KHDRBS2: variants seen among roughly 807,000 people sequenced by gnomAD.
KHDRBS2 encodes the protein KH domain-containing, RNA-binding, signal transduction-associated protein 2.
A neutral mutation model predicts 44.3 loss-of-function variants in KHDRBS2; 26 were observed. That is an observed-to-expected ratio of 0.59 (90% CI 0.43 to 0.81). KHDRBS2 has a LOEUF of 0.81. Among genes scored for constraint, KHDRBS2 ranks in the 40% least tolerant of loss-of-function variants. The pLI is 0.00. For synonymous variants in KHDRBS2, 194 were observed against 151.1 expected, an observed-to-expected ratio of 1.28 and a Z score of -2.08; for missense variants, 476 against 433.1, an observed-to-expected ratio of 1.10 and a Z score of -0.88.
the KHDRBS2 span, among the ~76,000 whole-genome samples, chr6:61,608,490 C>G: frequency 6.6e-6 from 1 of 151,704 alleles, no homozygotes; most frequent in Non-Finnish European, 1.5e-5. Flanking sequence ...GCAGAACATG[C>G]AGGTTTGTTA....
chr6:61,968,835 A>C (rs1770693639), intron 4 of KHDRBS2, among the ~76,000 whole-genome samples: 1 of 152,102 alleles, frequency 6.6e-6, no homozygotes, highest in South Asian at 2.1e-4. Context: ...GCTGGCCTTT[A>C]GTATCCTCAC....
intron 4 of KHDRBS2, among the ~76,000 whole-genome samples, chr6:61,911,478 G>T (rs1806041220): frequency 6.6e-6 from 1 of 152,110 alleles, no homozygotes; most frequent in African/African-American, 2.4e-5. Flanking sequence ...AGTACGCAAG[G>T]ATCGAAGCCT....
intron 3 of KHDRBS2, among the ~76,000 whole-genome samples, chr6:61,991,515 T>A (rs1198059837): frequency 6.6e-6 from 1 of 152,076 alleles, no homozygotes; most frequent in Non-Finnish European, 1.5e-5. Context: ...AGAAATGAAG[T>A]GAGCTGGGCA....
intron 6 of KHDRBS2, among the ~76,000 whole-genome samples, chr6:61,813,296 A>G (rs1788406079): frequency 6.6e-6 from 1 of 152,142 alleles, no homozygotes; most frequent in African/African-American, 2.4e-5. Context: ...TTTTGCTGTA[A>G]TGTGACAATA....
chr6:61,751,902 A>AT (rs5876750), intron 6 of KHDRBS2, among the ~76,000 whole-genome samples: 57,688 of 151,554 alleles, frequency 0.38, 12,083 homozygotes, highest in African/African-American at 0.57. Flanking sequence ...CTGCCTTCTC[A>AT]TTGTGTCATC....
intron 4 of KHDRBS2, among the ~76,000 whole-genome samples, chr6:61,961,899 G>A (rs60852630): frequency 0.044 from 6,745 of 152,024 alleles, 523 homozygotes; most frequent in African/African-American, 0.15. Flanking sequence ...CAGTTTAAAC[G>A]GGATCATTCT....
chr6:61,625,509 A>G, the KHDRBS2 span, among the ~76,000 whole-genome samples: 11 of 151,860 alleles, frequency 7.2e-5, no homozygotes, highest in Non-Finnish European at 1.3e-4. Flanking sequence ...TGTAAAGTTC[A>G]TGCTCTTCCT....
intron 2 of KHDRBS2, among the ~76,000 whole-genome samples, chr6:62,056,648 A>AAG (rs1790349575): frequency 6.6e-6 from 1 of 151,974 alleles, no homozygotes; most frequent in South Asian, 2.1e-4. Flanking sequence ...AGAACAATTC[A>AAG]AGTTGAGTTA....
chr6:62,064,078 G>A (rs1010658403), intron 2 of KHDRBS2, among the ~76,000 whole-genome samples: 3 of 120,892 alleles, frequency 2.5e-5, no homozygotes, highest in Non-Finnish European at 3.6e-5. Flanking sequence ...TACAAGGGAC[G>A]TGAAGGACCT....
the KHDRBS2 span, among the ~76,000 whole-genome samples, chr6:61,644,322 C>T: frequency 6.6e-6 from 1 of 152,118 alleles, no homozygotes; most frequent in Non-Finnish European, 1.5e-5. Flanking sequence ...GGATTAAAGA[C>T]TTAAATGTAA....
At chr6:61,828,402 A>AT (rs1427793701) in intron 6 of KHDRBS2, among the ~76,000 whole-genome samples, 3 of 152,310 alleles carry the variant, frequency 2.0e-5, no homozygotes, top group African/African-American at 7.2e-5. Flanking sequence ...AAAGGTTCCA[A>AT]TTAGCAAAGA....
intron 6 of KHDRBS2, among the ~76,000 whole-genome samples, chr6:61,858,176 C>T (rs1796411299): frequency 6.6e-6 from 1 of 151,548 alleles, no homozygotes; most frequent in Non-Finnish European, 1.5e-5. Context: ...ATTCCTGTTA[C>T]CCATTTTACA....
At chr6:62,037,148 T>C (rs1785455026) in intron 3 of KHDRBS2, among the ~76,000 whole-genome samples, 1 of 151,924 alleles carries the variant, frequency 6.6e-6, no homozygotes, top group South Asian at 2.1e-4. Flanking sequence ...CTTTAGATTA[T>C]TAGTATTAAA....
Position 61,862,364 on chromosome 6 carries a change from G to A in KHDRBS2, c.810+32271C>T, listed in dbSNP as rs116259805. ...GAACTTCCAATACTATGTAGAATAG[G>A]AGTGGTGACAGAGGGCATGCTTGTC... On this transcript the variant is annotated intron_variant, in intron 6 of 8. Transcript: ENST00000281156. 4.2e-3 allele frequency among the ~76,000 whole-genome samples: 640 copies of A among 152,170 alleles called. 9 individuals are homozygous for A. The highest frequency in any genetic ancestry group is 0.015 in the African/African-American group (614 of 41,522).
chr6:62,095,149 T>C (rs188686622), intron 2 of KHDRBS2, among the ~76,000 whole-genome samples: 141 of 151,934 alleles, frequency 9.3e-4, no homozygotes, highest in Non-Finnish European at 1.0e-3. Context: ...AAATATTCTA[T>C]ATGTTTTCTA....
chr6:61,861,684 T>C (rs1281516098), intron 6 of KHDRBS2, among the ~76,000 whole-genome samples: 3 of 151,856 alleles, frequency 2.0e-5, no homozygotes, highest in Admixed American at 6.6e-5. Context: ...TAGGATTGCC[T>C]TGGCTATTCA....
At chr6:62,123,810 C>A (rs1458483939) in intron 2 of KHDRBS2, among the ~76,000 whole-genome samples, 1 of 152,178 alleles carries the variant, frequency 6.6e-6, no homozygotes, top group Non-Finnish European at 1.5e-5. Flanking sequence ...AGTCTGGGAC[C>A]TGTGGACACT....
At chr6:62,198,861 C>A (rs1585166101) in intron 1 of KHDRBS2, among the ~76,000 whole-genome samples, 1 of 152,202 alleles carries the variant, frequency 6.6e-6, no homozygotes, top group South Asian at 2.1e-4. Context: ...AAACCGAATC[C>A]AGCAGCACAT....
At chr6:62,129,441 TA>T (rs1389594413) in intron 2 of KHDRBS2, among the ~76,000 whole-genome samples, 1 of 152,092 alleles carries the variant, frequency 6.6e-6, no homozygotes, top group African/African-American at 2.4e-5. Flanking sequence ...TCAAAATACA[TA>T]AATGCAACTA....
Sources: allele counts gnomAD v4.1 joint callset (sites outside exome capture counted in the v4.1 genomes callset), GRCh38; gene constraint gnomAD v4.1.1; transcripts MANE v1.5; gene names NCBI Gene and HGNC (gene_info 2026-07-23, HGNC 2026-07-21).